Variants in ASXL3 observed in about 807,000 individuals in gnomAD.
The protein encoded by ASXL3 is ASXL transcriptional regulator 3.
Under a neutral mutation model 170.6 loss-of-function variants are expected in ASXL3, and 34 were observed. The observed-to-expected ratio is 0.20, with a 90% CI of 0.15 to 0.27. ASXL3 has a LOEUF of 0.27. Ranked by LOEUF, ASXL3 falls within the 10% of genes least tolerant of loss-of-function variation. The pLI, the probability that ASXL3 is intolerant of heterozygous loss-of-function variation, is 1.00. For missense variants in ASXL3, 2,592 were observed against 2,695.3 expected (o/e 0.96, Z 0.85); for synonymous variants, 1,002 against 989.1 (o/e 1.01, Z -0.24).
chr18:33,619,522 A>G (rs540003558), intron 2 of ASXL3, among the ~76,000 whole-genome samples: 2 of 152,114 alleles, frequency 1.3e-5, no homozygotes, highest in South Asian at 4.1e-4. Context: ...TGCTTGTCCA[A>G]CATGAGGATG....
rs200948891 is a variant in ASXL3 at position 33,739,587 on chromosome 18, C to A, written c.2183C>A (p.Thr728Asn). 3.1e-4 allele frequency: 493 copies of A among 1,613,870 alleles called. 8 individuals carry two copies. The highest frequency in any genetic ancestry group is 4.9e-5 in the Non-Finnish European group (58 of 1,179,884). ...PMSDLPLTSETSSVSSMLLTS... is the reference protein window; with the variant it reads ...PMSDLPLTSENSSVSSMLLTS... ...TCTGACTTACCTTTAACATCAGAAACTTCTTCAGTGTCTTCCATGCTTCTC... is the reference window on the plus strand; with the variant it reads ...TCTGACTTACCTTTAACATCAGAAAATTCTTCAGTGTCTTCCATGCTTCTC... The change falls in exon 11 of 12, where the codon ACT (threonine) becomes AAT (asparagine). Residue 728 changes from threonine (T) to asparagine (N), a missense_variant. This residue lies in a region of ASXL3 where 2,246 missense variants were observed against 2,219.6 expected (regional missense o/e 1.01). Coordinates refer to ENST00000269197, the MANE Select transcript of ASXL3 (RefSeq NM_030632.3).
chr18:33,595,624 A>G (rs1488477570), intron 1 of ASXL3, among the ~76,000 whole-genome samples: 7 of 152,152 alleles, frequency 4.6e-5, no homozygotes. Context: ...AATGAAAGTA[A>G]CTAGGACTCT....
intron 8 of ASXL3, among the ~76,000 whole-genome samples, chr18:33,705,230 G>A (rs964475672): frequency 6.6e-6 from 1 of 151,612 alleles, no homozygotes; most frequent in African/African-American, 2.4e-5. Context: ...AGATAACAAT[G>A]AAGCTACCAT....
chr18:33,651,420 G>A (rs1463090090), intron 4 of ASXL3, among the ~76,000 whole-genome samples: 3 of 152,026 alleles, frequency 2.0e-5, no homozygotes, highest in Non-Finnish European at 2.9e-5. Flanking sequence ...GTGTGTGTGA[G>A]GGAGCAAGAG....
At chr18:33,592,821 C>T (rs911128187) in intron 1 of ASXL3, among the ~76,000 whole-genome samples, 2 of 152,044 alleles carry the variant, frequency 1.3e-5, no homozygotes, top group Non-Finnish European at 2.9e-5. Context: ...TTTCCTTCTC[C>T]ATTACATTAA....
At position 33,745,278 on chromosome 18, in the gene ASXL3, C is replaced by T. The variant is rs1394387596; in HGVS notation, c.5430C>T (p.Tyr1810=). 19 of 1,613,856 alleles carry T rather than the reference C, an allele frequency of 1.2e-5. No individual in the cohort carries two copies. Among genetic ancestry groups the T allele is most frequent in the Non-Finnish European group, 1.5e-5 (18 of 1,179,902 alleles). ...PSSPNPDGKG[Y]LAGTLAPLQM... ...CTCCAAATCCAGATGGTAAGGGCTA[C>T]TTGGCAGGGACTCTGGCACCACTCC... Residue 1810 remains tyrosine, a synonymous_variant, in exon 12 of 12, where the codon TAC becomes TAT. Transcript: ENST00000269197.
intron 4 of ASXL3, among the ~76,000 whole-genome samples, chr18:33,653,843 T>G (rs2066039410): frequency 1.3e-5 from 2 of 151,488 alleles, no homozygotes; most frequent in South Asian, 2.1e-4. Context: ...TTTTGTGCTT[T>G]TAATTAAGCT....
chr18:33,661,605 T>G lies in ASXL3; in HGVS notation c.356-11T>G. ...CAAATTAGTAATATCATTATCTCTCTCTGTTTCTAGTTTGTTCGAAGCAGG... is the reference window on the plus strand; with the variant it reads ...CAAATTAGTAATATCATTATCTCTCGCTGTTTCTAGTTTGTTCGAAGCAGG... On this transcript the variant is annotated splice_polypyrimidine_tract_variant and intron_variant, in intron 4 of 11. Transcript: ENST00000269197. 1 of 1,603,276 alleles carries G rather than the reference T, an allele frequency of 6.2e-7. No homozygotes were observed. Among genetic ancestry groups the G allele is most frequent in the Non-Finnish European group, 8.5e-7 (1 of 1,174,080 alleles).
intron 1 of ASXL3, among the ~76,000 whole-genome samples, chr18:33,597,801 A>C (rs540117644): frequency 9.6e-5 from 14 of 145,216 alleles, no homozygotes; most frequent in Admixed American, 8.3e-4. Flanking sequence ...TACAAAAAAA[A>C]AAAAACAAAA....
chr18:33,636,305 T>TCACAACA (rs1555723803), intron 2 of ASXL3, among the ~76,000 whole-genome samples: 19 of 110,742 alleles, frequency 1.7e-4, no homozygotes, highest in African/African-American at 6.9e-4. Flanking sequence ...AACCACTGAT[T>TCACAACA]CAACAACAAC....
chr18:33,596,457 T>A (rs1203893555), intron 1 of ASXL3, among the ~76,000 whole-genome samples: 1 of 152,204 alleles, frequency 6.6e-6, no homozygotes, highest in African/African-American at 2.4e-5. Flanking sequence ...TACTATTAAC[T>A]GTGACAAAAT....
At position 33,596,027 on chromosome 18, in the gene ASXL3, CT is replaced by C. The variant is rs1016188141; in HGVS notation, c.55-11557del. On this transcript the variant is annotated intron_variant, in intron 1 of 11. Coordinates refer to ENST00000269197, the MANE Select transcript of ASXL3 (RefSeq NM_030632.3). ...TTCTTTCTTGTCAATTCATTGTCTT[CT>C]TTTTTTTTTCATTAGGCAAGTATTA... 1.8e-3 allele frequency among the ~76,000 whole-genome samples: 269 copies of C among 148,766 alleles called. 2 individuals are homozygous for C. The highest frequency in any genetic ancestry group is 3.5e-3 in the Middle Eastern group (1 of 284).
At position 33,671,799 on chromosome 18, in the gene ASXL3, T is replaced by G; in HGVS notation, c.648T>G (p.His216Gln). 6.2e-7 allele frequency: 1 copy of G among 1,611,272 alleles called. No individual in the cohort carries two copies. Reference sequence around the variant, plus strand: ...ACAGTTCAGATAAAGAAATGAAACATGGGCAAAAATCTCCCACTGGAAAAC... The same window carrying G: ...ACAGTTCAGATAAAGAAATGAAACAGGGGCAAAAATCTCCCACTGGAAAAC... ...EADSSDKEMK[H>Q]GQKSPTGKQT... Residue 216 changes from histidine to glutamine, a missense_variant, in exon 7 of 12, where the codon CAT (histidine) becomes CAG (glutamine). This residue lies in a region of ASXL3 where 251 missense variants were observed against 281.9 expected (regional missense o/e 0.89). Coordinates refer to ENST00000269197, the MANE Select transcript of ASXL3 (RefSeq NM_030632.3).
chr18:33,687,155 G>A (rs1408053981), intron 8 of ASXL3, among the ~76,000 whole-genome samples: 2 of 152,132 alleles, frequency 1.3e-5, no homozygotes, highest in Non-Finnish European at 2.9e-5. Flanking sequence ...AAGCTTTGTG[G>A]GCCTGTCAGC....
At chr18:33,666,911 T>A (rs1426168475) in intron 5 of ASXL3, among the ~76,000 whole-genome samples, 2 of 152,190 alleles carry the variant, frequency 1.3e-5, no homozygotes, top group Non-Finnish European at 2.9e-5. Flanking sequence ...GGGACAAGGA[T>A]GCTGACTGTG....
intron 8 of ASXL3, among the ~76,000 whole-genome samples, chr18:33,717,613 C>T (rs1210598546): frequency 6.6e-6 from 1 of 152,076 alleles, no homozygotes; most frequent in Non-Finnish European, 1.5e-5. Flanking sequence ...AACTTGAAAT[C>T]AAGCTCTCTT....
intron 8 of ASXL3, among the ~76,000 whole-genome samples, chr18:33,730,213 A>G (rs995242593): frequency 6.6e-6 from 1 of 152,048 alleles, no homozygotes; most frequent in Non-Finnish European, 1.5e-5. Flanking sequence ...GGTGCCAAAC[A>G]TCCGACATTA....
intron 8 of ASXL3, among the ~76,000 whole-genome samples, chr18:33,727,739 ATTG>A (rs910542361): frequency 2.0e-5 from 3 of 152,184 alleles, no homozygotes; most frequent in African/African-American, 7.2e-5. Context: ...AGAAATGTTT[ATTG>A]TTCCAGTTCA....
chr18:33,610,496 AC>A (rs1221312154), intron 2 of ASXL3, among the ~76,000 whole-genome samples: 1 of 151,862 alleles, frequency 6.6e-6, no homozygotes, highest in Non-Finnish European at 1.5e-5. Flanking sequence ...TCCAATCTGT[AC>A]TCAAAGCAAG....
Sources: gnomAD v4.1 joint callset for allele counts (sites outside exome capture counted in the v4.1 genomes callset) on GRCh38, gnomAD v4.1.1 for gene constraint, gnomAD v4.1.1 regional missense constraint, MANE v1.5 for transcripts, NCBI Gene and HGNC (gene_info 2026-07-23, HGNC 2026-07-21) for gene names.